CKAP4: variants seen among roughly 807,000 people sequenced by gnomAD.
CKAP4 encodes the protein cytoskeleton-associated protein 4.
A neutral mutation model predicts 24.4 loss-of-function variants in CKAP4; 20 were observed. The ratio of observed to expected loss-of-function variants is 0.82; its 90% CI spans 0.58 to 1.19. The LOEUF is 1.19. Ranked by LOEUF, CKAP4 falls within the 50% of genes most tolerant of loss-of-function variation. CKAP4 has a pLI of 0.00. For synonymous variants in CKAP4, 378 were observed against 351.7 expected (o/e 1.07, Z -0.84); for missense variants, 744 against 765.3 (o/e 0.97, Z 0.33).
At chr12:106,244,195 G>A (rs2033989652) in intron 1 of CKAP4, among the ~76,000 whole-genome samples, 1 of 152,164 alleles carries the variant, frequency 6.6e-6, no homozygotes, top group Non-Finnish European at 1.5e-5. Flanking sequence ...AACATTTATT[G>A]GGCACCTACT....
intron 1 of CKAP4, among the ~76,000 whole-genome samples, chr12:106,246,092 G>C (rs185562196): frequency 1.2e-4 from 18 of 152,318 alleles, no homozygotes; most frequent in Admixed American, 6.5e-4. Context: ...GATCAAAGGG[G>C]CTGTACTTGG....
chr12:106,240,966 G>A (rs1467827867), intron 1 of CKAP4, among the ~76,000 whole-genome samples: 1 of 152,170 alleles, frequency 6.6e-6, no homozygotes, highest in Admixed American at 6.5e-5. Context: ...ACATCTTTGA[G>A]CTGGGCCTGG....
In CKAP4 at chr12:106,238,495, AG is replaced by A. The variant is rs2033931097; in HGVS notation, c.*528del. 1 of 153,840 alleles carries A rather than the reference AG, an allele frequency of 6.5e-6. No individual in the cohort carries two copies. Among genetic ancestry groups the A allele is most frequent in the South Asian group, 2.1e-4 (1 of 4,868 alleles). The allele number at this position is 153,840 out of a possible 1,614,324, so 9.5% of individuals were successfully genotyped here. On this transcript the variant is annotated 3_prime_UTR_variant, in exon 2 of 2. Coordinates refer to ENST00000378026, the MANE Select transcript of CKAP4 (RefSeq NM_006825.4). ...GCGGATTCCTTTCAAAGAAAGACCC[AG>A]GGGCTTCTCCCCTCCTCATTCAGAG...
In CKAP4 at chr12:106,239,656, A is replaced by G. The variant is rs1341846826; in HGVS notation, c.1177T>C (p.Phe393Leu). ...GCCTCAAAGGCTTCCGAGTGTCTGA[A>G]GCCTCCGTCCTCCTTCGGCCCGTGG... Reference protein sequence around the residue: ...DSHGPKEDGGFRHSEAFEALQ... With the variant: ...DSHGPKEDGGLRHSEAFEALQ... The change falls in exon 2 of 2, where the codon TTC (phenylalanine) becomes CTC (leucine). Residue 393 changes from phenylalanine (F) to leucine (L), a missense_variant. Coordinates refer to ENST00000378026, the MANE Select transcript of CKAP4 (RefSeq NM_006825.4). The surrounding 1 kb of genome is among the most constrained non-coding windows in gnomAD (Gnocchi z 4.9). The G allele has an allele frequency of 6.2e-7, 1 of 1,614,132 alleles. No homozygotes were observed.
intron 1 of CKAP4, among the ~76,000 whole-genome samples, chr12:106,246,259 C>T (rs1365817435): frequency 6.6e-6 from 1 of 152,210 alleles, no homozygotes; most frequent in Non-Finnish European, 1.5e-5. Context: ...ACTTTGTCAA[C>T]TCATTCCTCT....
At chr12:106,240,668 CAAAA>C (rs34175879) in intron 1 of CKAP4, among the ~76,000 whole-genome samples, 1 of 86,460 alleles carries the variant, frequency 1.2e-5, no homozygotes, top group Non-Finnish European at 2.4e-5. Context: ...TGCTTTGTTG[CAAAA>C]AAAAAAAAAA....
chr12:106,244,529 C>A (rs2033991915), intron 1 of CKAP4, among the ~76,000 whole-genome samples: 1 of 152,244 alleles, frequency 6.6e-6, no homozygotes. Context: ...CATCTGTAAT[C>A]CCAGCACTTT....
rs2034032839 is a variant in CKAP4, at chr12:106,247,928, G to T, written c.-77C>A. 1.1e-6 allele frequency: 1 copy of T among 903,078 alleles called. No homozygotes were observed. The highest frequency in any genetic ancestry group is 1.3e-6 in the Non-Finnish European group (1 of 750,190). 55.9% of individuals were successfully genotyped at this position (903,078 alleles called of 1,614,324 possible). A position where few individuals can be genotyped will look rare whatever the true frequency, so the allele number is the denominator to read the frequency against. ...CGCGCGGCCCGGGAAACTTGCAGGG[G>T]CTCCCCCGGGACTGGGCGAGCGGCA... On this transcript the variant is annotated 5_prime_UTR_variant, in exon 1 of 2. Transcript: ENST00000378026. This position sits in a 1 kb window ranked among gnomAD's most constrained non-coding sequence, Gnocchi z 4.5.
chr12:106,244,998 A>C (rs1005908970), intron 1 of CKAP4, among the ~76,000 whole-genome samples: 1 of 152,096 alleles, frequency 6.6e-6, no homozygotes, highest in Non-Finnish European at 1.5e-5. Context: ...GGGCAGGGAG[A>C]AGCACAGAGA....
chr12:106,246,433 C>T (rs978435174), intron 1 of CKAP4, among the ~76,000 whole-genome samples: 7 of 152,042 alleles, frequency 4.6e-5, no homozygotes, highest in African/African-American at 1.4e-4. Context: ...GTATTTTTGG[C>T]CCTCCTCTTC....
At position 106,247,973 on chromosome 12, in the gene CKAP4, G is replaced by T; in HGVS notation, c.-122C>A. The stretch of plus-strand genomic sequence containing the variant: ...GCGGCACGCGGGCGCTGCTGGCGTC[G>T]GAGCGGCGAGAGGACGCGCGGCCGG... On this transcript the variant is annotated 5_prime_UTR_variant, in exon 1 of 2. Transcript: ENST00000378026. This position sits in a 1 kb window ranked among gnomAD's most constrained non-coding sequence, Gnocchi z 4.5. The T allele has an allele frequency of 1.7e-6, 1 of 582,278 alleles. No homozygotes were observed. The highest frequency in any genetic ancestry group is 2.2e-6 in the Non-Finnish European group (1 of 458,972). 36.1% of individuals were successfully genotyped at this position (582,278 alleles called of 1,614,324 possible).
Position 106,247,802 on chromosome 12 carries a change from C to A in CKAP4, c.50G>T (p.Ser17Ile), listed in dbSNP as rs1305105068. Residue 17 changes from serine (S) to isoleucine (I), a missense_variant, in exon 1 of 2, where the codon AGC (serine) becomes ATC (isoleucine). Ser to Ile is a moderately radical substitution (Grantham distance 142). Around this residue, in one of 3 missense-constraint regions of CKAP4, gnomAD observed 300 missense variants for 264.5 expected, o/e 1.13. Transcript: ENST00000378026. This position sits in a 1 kb window ranked among gnomAD's most constrained non-coding sequence, Gnocchi z 4.5. ...CGGGTGGGCACCCTTCTCCGAGGGG[C>A]TCGCGGCGCCGTGGCCGCCCTTGGA... The part of the protein sequence containing the change: ...RGSKGGHGAA[S>I]PSEKGAHPSG... The A allele has an allele frequency of 2.1e-5, 22 of 1,051,380 alleles. No individual in the cohort carries two copies. The highest frequency in any genetic ancestry group is 2.4e-5 in the Non-Finnish European group (21 of 876,550). The allele number at this position is 1,051,380 out of a possible 1,614,324, so 65.1% of individuals were successfully genotyped here.
intron 1 of CKAP4, among the ~76,000 whole-genome samples, chr12:106,246,494 G>A (rs1464185100): frequency 6.6e-6 from 1 of 152,176 alleles, no homozygotes; most frequent in Non-Finnish European, 1.5e-5. Flanking sequence ...TGTAATCCCA[G>A]CACTTTGGGA....
Position 106,238,860 on chromosome 12 carries a change from G to C in CKAP4, c.*164C>G. ...CAGAGAACTTAAATATTGTAAATAA[G>C]TTAACTGGGCATGAAAATACAATGC... On this transcript the variant is annotated 3_prime_UTR_variant, in exon 2 of 2. Coordinates refer to ENST00000378026, the MANE Select transcript of CKAP4 (RefSeq NM_006825.4). 2 of 751,660 alleles carry C rather than the reference G, an allele frequency of 2.7e-6. No individual in the cohort carries two copies. The highest frequency in any genetic ancestry group is 5.0e-5 in the East Asian group (2 of 40,160). The allele number at this position is 751,660 out of a possible 1,614,324, so 46.6% of individuals were successfully genotyped here.
At chr12:106,243,188 T>C (rs2033981549) in intron 1 of CKAP4, among the ~76,000 whole-genome samples, 1 of 152,176 alleles carries the variant, frequency 6.6e-6, no homozygotes, top group Non-Finnish European at 1.5e-5. Context: ...CCAATAACTA[T>C]ACAAAGGACT....
At chr12:106,241,163 T>C (rs187071426) in intron 1 of CKAP4, among the ~76,000 whole-genome samples, 3 of 152,324 alleles carry the variant, frequency 2.0e-5, no homozygotes, top group East Asian at 1.9e-4. Context: ...GGACTGGGTG[T>C]CAGATGACAT....
intron 1 of CKAP4, among the ~76,000 whole-genome samples, chr12:106,240,795 C>T (rs2033963808): frequency 1.3e-5 from 2 of 152,024 alleles, no homozygotes; most frequent in African/African-American, 4.8e-5. Context: ...GTGGAAAATT[C>T]TACAGGACAA....
At chr12:106,241,009 A>G (rs1450202420) in intron 1 of CKAP4, among the ~76,000 whole-genome samples, 3 of 152,180 alleles carry the variant, frequency 2.0e-5, no homozygotes, top group South Asian at 2.1e-4. Context: ...CTACTTGGGA[A>G]GCTAAGGTGA....
chr12:106,242,909 AC>A, intron 1 of CKAP4, among the ~76,000 whole-genome samples: 1 of 152,184 alleles, frequency 6.6e-6, no homozygotes, highest in South Asian at 2.1e-4. Context: ...ATTATATCCA[AC>A]CCCCAACACT....
Sources: gnomAD v4.1 joint callset for allele counts (sites outside exome capture counted in the v4.1 genomes callset) on GRCh38, gnomAD v4.1.1 for gene constraint, gnomAD v4.1.1 regional missense constraint, Gnocchi (gnomAD v3.1) non-coding constraint, MANE v1.5 for transcripts, NCBI Gene and HGNC (gene_info 2026-07-23, HGNC 2026-07-21) for gene names.